The following MARCHF11 variants were observed in gnomAD, a reference collection of about 807,000 sequenced individuals.
MARCHF11 encodes the protein E3 ubiquitin-protein ligase MARCHF11.
Under a neutral mutation model 37.3 loss-of-function variants are expected in MARCHF11, and 29 were observed. That is an observed-to-expected ratio of 0.78 (90% CI 0.58 to 1.06). The LOEUF is 1.06. Among genes scored for constraint, MARCHF11 ranks in the 50% least tolerant of loss-of-function variants. The pLI, the probability that MARCHF11 is intolerant of heterozygous loss-of-function variation, is 0.00. For missense variants in MARCHF11, 482 were observed against 533.4 expected, an observed-to-expected ratio of 0.90 and a Z score of 0.95; for synonymous variants, 233 against 228.0, an observed-to-expected ratio of 1.02 and a Z score of -0.20.
chr5:16,097,776 T>C (rs1736896341), intron 2 of MARCHF11, among the ~76,000 whole-genome samples: 1 of 152,214 alleles, frequency 6.6e-6, no homozygotes, highest in Non-Finnish European at 1.5e-5. Context: ...CAACATTTTA[T>C]CAATCTGACA....
chr5:16,146,975 T>G (rs1414821032), intron 2 of MARCHF11, among the ~76,000 whole-genome samples: 2 of 152,058 alleles, frequency 1.3e-5, no homozygotes, highest in Non-Finnish European at 2.9e-5. Context: ...CAGAGAGAGA[T>G]AGAGAAACAT....
chr5:16,116,014 A>C (rs1737221165), intron 2 of MARCHF11, among the ~76,000 whole-genome samples: 1 of 152,200 alleles, frequency 6.6e-6, no homozygotes, highest in South Asian at 2.1e-4. Context: ...TGTGAGGTAG[A>C]GAATCATTAG....
At chr5:16,108,336 C>A (rs1338119652) in intron 2 of MARCHF11, among the ~76,000 whole-genome samples, 1 of 152,192 alleles carries the variant, frequency 6.6e-6, no homozygotes, top group African/African-American at 2.4e-5. Context: ...CTCAAGGCAG[C>A]CAAACAGAGA....
intron 2 of MARCHF11, among the ~76,000 whole-genome samples, chr5:16,100,303 C>A (rs1026951072): frequency 1.3e-5 from 2 of 152,122 alleles, no homozygotes; most frequent in Non-Finnish European, 2.9e-5. Flanking sequence ...GGCGAGGCTG[C>A]CCTTTAACTC....
Position 16,179,540 on chromosome 5 carries a change from A to G in MARCHF11, c.36T>C (p.Cys12=). The G allele has an allele frequency of 8.5e-7, 1 of 1,175,910 alleles. No individual in the cohort carries two copies. 72.8% of individuals were successfully genotyped at this position (1,175,910 alleles called of 1,614,324 possible). A position where few individuals can be genotyped will look rare whatever the true frequency, so the allele number is the denominator to read the frequency against. Residue 12 remains cysteine, a synonymous_variant, in exon 1 of 4, where the codon TGT becomes TGC. Transcript: ENST00000332432. ...SFEGGHGGSR[C]RGAESGDAEP... ...CGGCGTCCCCGCTCTCCGCCCCGCG[A>G]CACCGACTGCCGCCGTGGCCGCCCT... is the stretch of plus-strand genomic sequence containing the variant.
chr5:16,127,889 G>A (rs549332094), intron 2 of MARCHF11, among the ~76,000 whole-genome samples: 89 of 152,274 alleles, frequency 5.8e-4, no homozygotes, highest in African/African-American at 1.8e-3. Flanking sequence ...ACTATCACAC[G>A]GAGGAAGTGG....
chr5:16,090,368 C>CA (rs1228623528), intron 3 of MARCHF11, among the ~76,000 whole-genome samples: 1 of 151,924 alleles, frequency 6.6e-6, no homozygotes, highest in East Asian at 1.9e-4. Context: ...TTAAGTAAAA[C>CA]AAAGAGACAC....
Position 16,125,121 on chromosome 5 carries a change from T to C in MARCHF11, c.694-34040A>G, listed in dbSNP as rs115418558. Reference sequence around the variant, plus strand: ...TCTTGGCAGTTGTGTGACAGCAAAGTGGTGTTTAAGCCATACATCGTAATT... The same window carrying C: ...TCTTGGCAGTTGTGTGACAGCAAAGCGGTGTTTAAGCCATACATCGTAATT... On this transcript the variant is annotated intron_variant, in intron 2 of 3. Coordinates refer to ENST00000332432, the MANE Select transcript of MARCHF11 (RefSeq NM_001102562.3). 3.4e-3 allele frequency among the ~76,000 whole-genome samples: 514 copies of C among 151,514 alleles called. 12 individuals are homozygous for C. The highest frequency in any genetic ancestry group is 0.012 in the African/African-American group (492 of 41,468).
intron 2 of MARCHF11, among the ~76,000 whole-genome samples, chr5:16,167,272 A>C (rs1488871237): frequency 6.6e-6 from 1 of 152,040 alleles, no homozygotes; most frequent in Non-Finnish European, 1.5e-5. Context: ...CACTCAAAAG[A>C]GCCAAGATTG....
chr5:16,172,009 C>T (rs1453417064), intron 2 of MARCHF11, among the ~76,000 whole-genome samples: 1 of 152,122 alleles, frequency 6.6e-6, no homozygotes, highest in Non-Finnish European at 1.5e-5. Context: ...AAGGGTATCA[C>T]CTATAGGGTA....
At chr5:16,147,397 A>T (rs1301000761) in intron 2 of MARCHF11, among the ~76,000 whole-genome samples, 1 of 152,172 alleles carries the variant, frequency 6.6e-6, no homozygotes, top group Non-Finnish European at 1.5e-5. Context: ...AGCTGAAAAA[A>T]ACTGGGACAC....
intron 1 of MARCHF11, 115 bp downstream of exon 1, chr5:16,178,924 C>CG (rs1560997636): frequency 1.0e-5 from 13 of 1,242,230 alleles, no homozygotes; most frequent in Non-Finnish European, 1.0e-6. Flanking sequence ...CAGAACCAGA[C>CG]GAGCCTCACT....
rs79256033 is a variant in MARCHF11, at chr5:16,135,149, C to G, written c.693+42577G>C. Among the ~76,000 whole-genome samples, 189 of 152,196 alleles carry G rather than the reference C, an allele frequency of 1.2e-3. 5 individuals are homozygous for G. The East Asian group carries it at 0.034, about 27-fold the overall frequency. On this transcript the variant is annotated intron_variant, in intron 2 of 3. Transcript: ENST00000332432. ...AACATATAAACTTAACAGCTTTGGG[C>G]CAGTTACTAAACCAGGAAGCTGTAT... is the stretch of plus-strand genomic sequence containing the variant.
intron 2 of MARCHF11, among the ~76,000 whole-genome samples, chr5:16,152,924 T>C (rs1020540662): frequency 6.6e-6 from 1 of 152,008 alleles, no homozygotes; most frequent in African/African-American, 2.4e-5. Flanking sequence ...GTAAATATTA[T>C]GGCACCAAAC....
At chr5:16,092,051 T>C (rs1201474447) in intron 2 of MARCHF11, among the ~76,000 whole-genome samples, 1 of 152,170 alleles carries the variant, frequency 6.6e-6, no homozygotes, top group Admixed American at 6.5e-5. Flanking sequence ...GTTTTTTAAA[T>C]CTTTAAAAAA....
chr5:16,164,436 A>G (rs1738137282), intron 2 of MARCHF11, among the ~76,000 whole-genome samples: 1 of 152,074 alleles, frequency 6.6e-6, no homozygotes, highest in Non-Finnish European at 1.5e-5. Flanking sequence ...AGACATGTAT[A>G]GAGCACTCCA....
At chr5:16,138,390 A>T (rs1220388522) in intron 2 of MARCHF11, among the ~76,000 whole-genome samples, 1 of 152,232 alleles carries the variant, frequency 6.6e-6, no homozygotes, top group Non-Finnish European at 1.5e-5. Flanking sequence ...AAGTAAAGAA[A>T]TGAGATTTGC....
At chr5:16,162,511 C>T (rs796767245) in intron 2 of MARCHF11, among the ~76,000 whole-genome samples, 42 of 151,972 alleles carry the variant, frequency 2.8e-4, no homozygotes, top group South Asian at 4.1e-4. Flanking sequence ...GGATTGGTAG[C>T]CTTCACTGAC....
rs1361713991 is a variant in MARCHF11 at position 16,067,373 on chromosome 5, C to A, written c.*98G>T. 2.7e-6 allele frequency: 3 copies of A among 1,116,504 alleles called. No homozygotes were observed. In the East Asian group the frequency reaches 7.2e-5, roughly 27 times the overall value. 69.2% of individuals were successfully genotyped at this position (1,116,504 alleles called of 1,614,324 possible). A position where few individuals can be genotyped will look rare whatever the true frequency, so the allele number is the denominator to read the frequency against. ...TAAAAAGCATAAATTTTAAAAAGTT[C>A]ATAGATGTGTTTTTAGAAGTGCTAT... On this transcript the variant is annotated 3_prime_UTR_variant, in exon 4 of 4. Transcript: ENST00000332432.
Sources: gnomAD v4.1 joint callset for allele counts (sites outside exome capture counted in the v4.1 genomes callset) on GRCh38, gnomAD v4.1.1 for gene constraint, MANE v1.5 for transcripts, NCBI Gene and HGNC (gene_info 2026-07-23, HGNC 2026-07-21) for gene names.